FGGY: variants seen among roughly 807,000 people sequenced by gnomAD.
The protein encoded by FGGY is FGGY carbohydrate kinase domain-containing protein.
Under a neutral mutation model 71.3 loss-of-function variants are expected in FGGY, and 72 were observed. The ratio of observed to expected loss-of-function variants is 1.01; its 90% CI spans 0.84 to 1.23. The LOEUF is 1.23. Among genes scored for constraint, FGGY ranks in the 50% most tolerant of loss-of-function variants. FGGY has a pLI of 0.00. For missense variants in FGGY, 668 were observed against 682.3 expected (o/e 0.98, Z 0.23); for synonymous variants, 251 against 250.3 (o/e 1.00, Z -0.02).
In FGGY at chr1:59,577,702, C is replaced by T. The variant is rs9436179; in HGVS notation, c.903+23475C>T. ...TTAAATACTTTATGATGGCTCTAATCATATATGTACTTCCTATTTCAAAAG... is the reference window on the plus strand; with the variant it reads ...TTAAATACTTTATGATGGCTCTAATTATATATGTACTTCCTATTTCAAAAG... On this transcript the variant is annotated intron_variant, in intron 8 of 15. Transcript: ENST00000303721. Among the ~76,000 whole-genome samples the T allele has an allele frequency of 8.2e-3, 1,248 of 152,182 alleles. 28 individuals carry two copies. Among genetic ancestry groups the T allele is most frequent in the African/African-American group, 0.029 (1,198 of 41,496 alleles).
At chr1:59,486,412 G>A (rs2093659867) in intron 6 of FGGY, among the ~76,000 whole-genome samples, 1 of 152,170 alleles carries the variant, frequency 6.6e-6, no homozygotes, top group South Asian at 2.1e-4. Flanking sequence ...GGGAGCTTTG[G>A]CATCTAAAGG....
In FGGY at chr1:59,650,752, C is replaced by G. The variant is rs1167890235; in HGVS notation, c.1222-9467C>G. The stretch of plus-strand genomic sequence containing the variant: ...GGGTTTTTTGTGTCTCTATTTCCTT[C>G]AGTTCTGCTCTGATCTTAGTTATTT... On this transcript the variant is annotated intron_variant, in intron 11 of 15. Transcript: ENST00000303721. 9.3e-5 allele frequency among the ~76,000 whole-genome samples: 13 copies of G among 139,298 alleles called. 1 individual carries two copies. Among genetic ancestry groups the G allele is most frequent in the Non-Finnish European group, 1.5e-4 (10 of 67,050 alleles). 91.4% of individuals were successfully genotyped at this position (139,298 alleles called of 152,430 possible).
At chr1:59,446,745 A>G (rs1482050524) in intron 5 of FGGY, among the ~76,000 whole-genome samples, 1 of 152,168 alleles carries the variant, frequency 6.6e-6, no homozygotes, top group Non-Finnish European at 1.5e-5. Flanking sequence ...TCTCAGCTCT[A>G]ATTATTCTGT....
intron 8 of FGGY, among the ~76,000 whole-genome samples, chr1:59,560,067 T>G (rs2095761770): frequency 6.6e-6 from 1 of 152,172 alleles, no homozygotes; most frequent in Non-Finnish European, 1.5e-5. Context: ...TGGAGAAATA[T>G]GAGAAACAGC....
At chr1:59,369,149 C>A (rs1270201547) in intron 4 of FGGY, among the ~76,000 whole-genome samples, 1 of 152,186 alleles carries the variant, frequency 6.6e-6, no homozygotes, top group East Asian at 1.9e-4. Flanking sequence ...CAGGGAGTTC[C>A]CTTTCCTAGT....
intron 5 of FGGY, among the ~76,000 whole-genome samples, chr1:59,403,202 A>G (rs1571685732): frequency 6.6e-6 from 1 of 152,318 alleles, no homozygotes; most frequent in East Asian, 1.9e-4. Context: ...GAGTTTTTAA[A>G]TTAAATTACT....
At chr1:59,618,320 G>A (rs535157872) in intron 9 of FGGY, among the ~76,000 whole-genome samples, 1 of 152,194 alleles carries the variant, frequency 6.6e-6, no homozygotes, top group South Asian at 2.1e-4. Context: ...ATGTGTATGT[G>A]GTCAGTGTTG....
intron 15 of FGGY, among the ~76,000 whole-genome samples, 160 bp from the exon 16 acceptor site, chr1:59,762,343 T>A (rs2098349907): frequency 1.3e-5 from 2 of 152,182 alleles, no homozygotes; most frequent in Non-Finnish European, 2.9e-5. Flanking sequence ...ATATAATAGG[T>A]CTGAAACATG....
intron 5 of FGGY, among the ~76,000 whole-genome samples, chr1:59,402,562 TGAA>T (rs1343320824): frequency 1.3e-5 from 2 of 152,232 alleles, no homozygotes; most frequent in African/African-American, 4.8e-5. Context: ...TTGCGGACTC[TGAA>T]GAATTTGAGA....
At chr1:59,594,163 T>C (rs927215233) in intron 8 of FGGY, among the ~76,000 whole-genome samples, 1 of 152,230 alleles carries the variant, frequency 6.6e-6, no homozygotes, top group Non-Finnish European at 1.5e-5. Flanking sequence ...TTCTTCCACC[T>C]GCACCTGCTG....
chr1:59,592,319 A>G (rs1026396863), intron 8 of FGGY, among the ~76,000 whole-genome samples: 2 of 152,018 alleles, frequency 1.3e-5, no homozygotes, highest in South Asian at 2.1e-4. Flanking sequence ...AAATAGGAAC[A>G]CTTTTACACT....
In FGGY at chr1:59,425,598, G is replaced by A. The variant is rs570148271; in HGVS notation, c.555-31363G>A. On this transcript the variant is annotated intron_variant, in intron 5 of 15. Transcript: ENST00000303721. ...TTTCCTTCTGCAGGCTCTGCCTCATGCCTGTGTTCCTATAGACATTGGAGT... is the reference window on the plus strand; with the variant it reads ...TTTCCTTCTGCAGGCTCTGCCTCATACCTGTGTTCCTATAGACATTGGAGT... Among the ~76,000 whole-genome samples, 5 of 152,304 alleles carry A rather than the reference G, an allele frequency of 3.3e-5. No homozygotes were observed. The South Asian group carries it at 1.0e-3, about 32-fold the overall frequency.
At chr1:59,642,578 T>C (rs2097045054) in intron 11 of FGGY, among the ~76,000 whole-genome samples, 2 of 149,720 alleles carry the variant, frequency 1.3e-5, no homozygotes, top group Admixed American at 6.6e-5. Flanking sequence ...TGAGCTGAGA[T>C]TGTGCCACTG....
At chr1:59,340,955 TGTCA>T (rs1480306800) in intron 3 of FGGY, among the ~76,000 whole-genome samples, 1 of 152,188 alleles carries the variant, frequency 6.6e-6, no homozygotes, top group Non-Finnish European at 1.5e-5. Context: ...CTCTAGGCAT[TGTCA>T]GTCAGCTGTT....
At chr1:59,319,878 G>T (rs2046087168) in intron 1 of FGGY, among the ~76,000 whole-genome samples, 2 of 152,198 alleles carry the variant, frequency 1.3e-5, no homozygotes, top group Admixed American at 1.3e-4. Context: ...CTGCTGGGGG[G>T]AAGGGCTGGA....
intron 14 of FGGY, among the ~76,000 whole-genome samples, chr1:59,737,521 G>C (rs1005460729): frequency 6.6e-6 from 1 of 152,224 alleles, no homozygotes; most frequent in Non-Finnish European, 1.5e-5. Flanking sequence ...GTGAGACATG[G>C]AGTCAAAGGA....
intron 7 of FGGY, among the ~76,000 whole-genome samples, chr1:59,522,599 T>G (rs911225743): frequency 2.0e-5 from 3 of 152,190 alleles, no homozygotes; most frequent in Non-Finnish European, 4.4e-5. Context: ...TTAATTTTGT[T>G]TACTAAATTT....
At chr1:59,498,212 T>A (rs902044690) in intron 6 of FGGY, among the ~76,000 whole-genome samples, 3 of 119,520 alleles carry the variant, frequency 2.5e-5, no homozygotes, top group Non-Finnish European at 5.4e-5. Context: ...CCCTAAAATA[T>A]GTGTATTTTA....
At chr1:59,615,921 G>A (rs573876891) in intron 9 of FGGY, among the ~76,000 whole-genome samples, 92 of 152,274 alleles carry the variant, frequency 6.0e-4, no homozygotes, top group African/African-American at 2.1e-3. Flanking sequence ...GGCCATCAGA[G>A]AAATGCAAAT....
Sources: allele counts gnomAD v4.1 joint callset (sites outside exome capture counted in the v4.1 genomes callset), GRCh38; gene constraint gnomAD v4.1.1; transcripts MANE v1.5; gene names NCBI Gene and HGNC (gene_info 2026-07-23, HGNC 2026-07-21).